MACROD1: variants seen among roughly 807,000 people sequenced by gnomAD.
MACROD1 encodes the protein mono-ADP ribosylhydrolase 1.
MACROD1 carries 31 observed loss-of-function variants against 41.4 expected under a neutral mutation model. The observed-to-expected ratio is 0.75, with a 90% confidence interval of 0.56 to 1.01. MACROD1 has a LOEUF of 1.01. MACROD1 is among the 50% of genes least tolerant of loss of function. The probability of loss-of-function intolerance (pLI) is 0.00; values close to 1 mark genes in which losing one functional copy is unlikely to be tolerated. For missense variants in MACROD1, 473 were observed against 460.0 expected, an observed-to-expected ratio of 1.03 and a Z score of -0.26; for synonymous variants, 252 against 203.4, an observed-to-expected ratio of 1.24 and a Z score of -2.03.
chr11:64,041,199 TAAAAAAAAAAAAAAA>T lies in MACROD1; in HGVS notation c.518-25933_518-25919del, dbSNP rs71045724. Among the ~76,000 whole-genome samples, 8 of 21,600 alleles carry T rather than the reference TAAAAAAAAAAAAAAA, an allele frequency of 3.7e-4. No individual in the cohort carries two copies. The East Asian group carries it at 6.1e-3, about 17-fold the overall frequency. The allele number at this position is 21,600 out of a possible 152,430, so 14.2% of individuals were successfully genotyped here. The stretch of plus-strand genomic sequence containing the variant: ...AGATTACAACAGATTTAGCAAACTG[TAAAAAAAAAAAAAAA>T]AAAAAAAAAAAAAAAGCATGAGCGA... On this transcript the variant is annotated intron_variant, in intron 3 of 10. Coordinates refer to ENST00000255681, the MANE Select transcript of MACROD1 (RefSeq NM_014067.4).
chr11:64,013,072 C>T (rs556029123), intron 4 of MACROD1, among the ~76,000 whole-genome samples: 1 of 150,614 alleles, frequency 6.6e-6, no homozygotes, highest in South Asian at 2.2e-4. Flanking sequence ...TCAAGCAATC[C>T]TCCTGCCTCG....
At chr11:64,063,064 C>T (rs975074713) in intron 3 of MACROD1, among the ~76,000 whole-genome samples, 8 of 152,202 alleles carry the variant, frequency 5.3e-5, no homozygotes, top group African/African-American at 7.2e-5. Flanking sequence ...TGCCTGGTGA[C>T]AGTCGTTCTA....
chr11:64,147,871 T>G (rs1361590745), intron 3 of MACROD1, among the ~76,000 whole-genome samples: 1 of 151,518 alleles, frequency 6.6e-6, no homozygotes, highest in African/African-American at 2.4e-5. Context: ...GCCTCCTGAG[T>G]AGCTGGGATT....
chr11:64,109,322 T>A (rs926436058), intron 3 of MACROD1, among the ~76,000 whole-genome samples: 7 of 152,102 alleles, frequency 4.6e-5, no homozygotes, highest in Non-Finnish European at 7.4e-5. Flanking sequence ...AAGCTTGGTG[T>A]CACTGACTTA....
chr11:64,094,325 A>G (rs1008104457), intron 3 of MACROD1, among the ~76,000 whole-genome samples: 44 of 152,066 alleles, frequency 2.9e-4, no homozygotes, highest in African/African-American at 1.1e-3. Context: ...CCAGCTACTC[A>G]GGAGGCTGAG....
rs148458797 is a variant in MACROD1 at position 64,014,213 on chromosome 11, C to T, written c.547+1039G>A. ...AAGTGTCCTCCAAAAGGACAGGCTT[C>T]GGAAGAGGGTCCTAGGTGGTCTGTT... On this transcript the variant is annotated intron_variant, in intron 4 of 10. Coordinates refer to ENST00000255681, the MANE Select transcript of MACROD1 (RefSeq NM_014067.4). Among the ~76,000 whole-genome samples, 422 of 152,240 alleles carry T rather than the reference C, an allele frequency of 2.8e-3. 1 individual carries two copies. The highest frequency in any genetic ancestry group is 9.7e-3 in the African/African-American group (405 of 41,546).
At chr11:64,115,656 G>T (rs575889089) in intron 3 of MACROD1, among the ~76,000 whole-genome samples, 1 of 152,352 alleles carries the variant, frequency 6.6e-6, no homozygotes, top group South Asian at 2.1e-4. Flanking sequence ...GTTCCCGCAG[G>T]TTCTGGCGAC....
intron 3 of MACROD1, among the ~76,000 whole-genome samples, chr11:64,131,564 G>A (rs562350507): frequency 1.3e-4 from 20 of 152,260 alleles, no homozygotes; most frequent in African/African-American, 4.8e-4. Flanking sequence ...CAACTTCAAT[G>A]ATCCACCCGC....
At chr11:64,129,814 GC>G (rs1351215026) in intron 3 of MACROD1, among the ~76,000 whole-genome samples, 1 of 152,166 alleles carries the variant, frequency 6.6e-6, no homozygotes, top group Admixed American at 6.5e-5. Context: ...TTTAATACGC[GC>G]CCCAGGGGAG....
rs1251611043 is a variant in MACROD1, at chr11:64,134,681, C to T, written c.517+16558G>A. Among the ~76,000 whole-genome samples the T allele has an allele frequency of 2.6e-5, 4 of 152,188 alleles. No homozygotes were observed. In the East Asian group the frequency reaches 5.8e-4, roughly 22 times the overall value. On this transcript the variant is annotated intron_variant, in intron 3 of 10. Transcript: ENST00000255681. ...CCACACCTGTACACAGCAATACTTC[C>T]AGCACCCGCCTCTCTAGTGGGTGAA... is the stretch of plus-strand genomic sequence containing the variant.
In MACROD1 at chr11:64,116,478, G is replaced by C. The variant is rs777177875; in HGVS notation, c.517+34761C>G. On this transcript the variant is annotated intron_variant, in intron 3 of 10. Coordinates refer to ENST00000255681, the MANE Select transcript of MACROD1 (RefSeq NM_014067.4). Reference sequence around the variant, plus strand: ...CGGCTTCATCTACTGCAACGACCGGGGACTCACATCCATCCCCGCAGATAT... The same window carrying C: ...CGGCTTCATCTACTGCAACGACCGGCGACTCACATCCATCCCCGCAGATAT... 17 of 1,613,708 alleles carry C rather than the reference G, an allele frequency of 1.1e-5. No homozygotes were observed. In the Admixed American group the frequency reaches 2.8e-4, roughly 27 times the overall value.
intron 3 of MACROD1, among the ~76,000 whole-genome samples, chr11:64,076,911 T>G (rs961841798): frequency 1.3e-5 from 2 of 152,218 alleles, no homozygotes; most frequent in African/African-American, 4.8e-5. Context: ...GGGCTAAGAC[T>G]TCTTCATGTG....
At chr11:64,124,247 G>A (rs1945143176) in intron 3 of MACROD1, among the ~76,000 whole-genome samples, 2 of 152,146 alleles carry the variant, frequency 1.3e-5, no homozygotes, top group South Asian at 4.1e-4. Flanking sequence ...GACAGAGAGC[G>A]CCTCCCAGGC....
chr11:64,032,062 T>G (rs1943302972), intron 3 of MACROD1, among the ~76,000 whole-genome samples: 1 of 152,158 alleles, frequency 6.6e-6, no homozygotes, highest in Admixed American at 6.5e-5. Flanking sequence ...CATGCCTGGA[T>G]GCCCAGCACA....
intron 3 of MACROD1, among the ~76,000 whole-genome samples, chr11:64,049,360 C>T (rs187032185): frequency 5.3e-4 from 81 of 152,348 alleles, no homozygotes; most frequent in African/African-American, 1.9e-3. Context: ...CTGTTCACAG[C>T]GGTGCCCACG....
intron 3 of MACROD1, among the ~76,000 whole-genome samples, chr11:64,047,111 C>T (rs1943598700): frequency 6.6e-6 from 1 of 152,096 alleles, no homozygotes; most frequent in African/African-American, 2.4e-5. Flanking sequence ...GAAGGCCACC[C>T]TCACTCCCCG....
intron 3 of MACROD1, among the ~76,000 whole-genome samples, chr11:64,070,205 G>A (rs1350927726): frequency 6.6e-6 from 1 of 152,162 alleles, no homozygotes; most frequent in African/African-American, 2.4e-5. Flanking sequence ...AGAGATGTGA[G>A]GTGAATCCCT....
rs71045731 is a variant in MACROD1 at position 64,064,843 on chromosome 11, C to CTCAT, written c.518-49566_518-49563dup. Among the ~76,000 whole-genome samples, 33,597 of 150,292 alleles carry CTCAT rather than the reference C, an allele frequency of 0.22. 3,872 individuals carry two copies. Among genetic ancestry groups the CTCAT allele is most frequent in the Non-Finnish European group, 0.25 (17,178 of 67,566 alleles). ...CAAGAGGCTAGAGTTTCACAAGGACCTCATTCATTCATTCATTCATTCATT... is the reference window on the plus strand; with the variant it reads ...CAAGAGGCTAGAGTTTCACAAGGACCTCATTCATTCATTCATTCATTCATTCATT... On this transcript the variant is annotated intron_variant, in intron 3 of 10. Transcript: ENST00000255681. This position sits in a 1 kb window ranked among gnomAD's most constrained non-coding sequence, Gnocchi z 4.5.
At chr11:64,005,569 G>A (rs988238464) in intron 4 of MACROD1, among the ~76,000 whole-genome samples, 1 of 152,258 alleles carries the variant, frequency 6.6e-6, no homozygotes, top group African/African-American at 2.4e-5. Flanking sequence ...CTGCTGCCCT[G>A]TGACTGCAGC....
Sources: allele counts gnomAD v4.1 joint callset (sites outside exome capture counted in the v4.1 genomes callset), GRCh38; gene constraint gnomAD v4.1.1; non-coding constraint Gnocchi (gnomAD v3.1); transcripts MANE v1.5; gene names NCBI Gene and HGNC (gene_info 2026-07-23, HGNC 2026-07-21).